ENKUR: variants seen among roughly 807,000 people sequenced by gnomAD.
ENKUR encodes enkurin.
A neutral mutation model predicts 27.6 loss-of-function variants in ENKUR; 19 were observed. That is an observed-to-expected ratio of 0.69 (90% CI 0.48 to 1.01). The LOEUF (loss-of-function observed/expected upper bound fraction) is 1.01, where lower values mean the gene tolerates loss of function less well. Ranked by LOEUF, ENKUR falls within the 50% of genes least tolerant of loss-of-function variation. ENKUR has a pLI of 0.00. For missense variants in ENKUR, 312 were observed against 310.5 expected, an observed-to-expected ratio of 1.00 and a Z score of -0.04; for synonymous variants, 117 against 96.9, an observed-to-expected ratio of 1.21 and a Z score of -1.22.
At chr10:24,994,627 C>T (rs569181267) in intron 3 of ENKUR, among the ~76,000 whole-genome samples, 1 of 152,094 alleles carries the variant, frequency 6.6e-6, no homozygotes, top group Admixed American at 6.5e-5. Context: ...CTGTGCCCAG[C>T]CTGCATTCAT....
intron 2 of ENKUR, among the ~76,000 whole-genome samples, chr10:25,046,884 T>C (rs527678488): frequency 1.3e-5 from 2 of 152,310 alleles, no homozygotes; most frequent in African/African-American, 4.8e-5. Flanking sequence ...GTAAGCCCTC[T>C]GTGTTAATTT....
chr10:25,057,632 C>A (rs984824826), intron 2 of ENKUR, among the ~76,000 whole-genome samples: 2 of 152,166 alleles, frequency 1.3e-5, no homozygotes, highest in African/African-American at 4.8e-5. Flanking sequence ...AAAATTATCA[C>A]CCTTGTACCA....
intron 2 of ENKUR, chr10:25,024,598 G>C: frequency 6.2e-7 from 1 of 1,614,162 alleles, no homozygotes; most frequent in Non-Finnish European, 8.5e-7. Flanking sequence ...CTTTCTTACT[G>C]TGGAATATGG....
Position 24,999,480 on chromosome 10 carries a change from A to G in ENKUR, c.144T>C (p.Thr48=). 3.7e-6 allele frequency: 6 copies of G among 1,613,296 alleles called. No homozygotes were observed. The highest frequency in any genetic ancestry group is 5.1e-6 in the Non-Finnish European group (6 of 1,179,660). The stretch of plus-strand genomic sequence containing the variant: ...GTACTTCAACTTTTGCTGGTCCCAT[A>G]GTTTTCATTGCAGTTTTAGCTTTTT... ...DMQKAKTAMK[T]MGPAKVEVPS... Residue 48 remains threonine, a synonymous_variant, in exon 2 of 6, where the codon ACT becomes ACC. Coordinates refer to ENST00000331161, the MANE Select transcript of ENKUR (RefSeq NM_145010.4).
chr10:25,045,419 C>T (rs1358425453), intron 2 of ENKUR, among the ~76,000 whole-genome samples: 1 of 151,970 alleles, frequency 6.6e-6, no homozygotes, highest in Non-Finnish European at 1.5e-5. Flanking sequence ...AAAATACAAG[C>T]TGTAGTAGTG....
intron 3 of ENKUR, among the ~76,000 whole-genome samples, 179 bp from the exon 4 acceptor site, chr10:24,990,788 G>T (rs955242338): frequency 6.6e-6 from 1 of 152,140 alleles, no homozygotes; most frequent in African/African-American, 2.4e-5. Context: ...GTAGATTCCT[G>T]CCTTTTAAAA....
chr10:25,027,356 T>TAAAAAAAAAAAAAAAAAAAAAAAAA lies in ENKUR; in HGVS notation c.38-31488_38-31487insTTTTTTTTTTTTTTTTTTTTTTTTT, dbSNP rs1564352066. 5.0e-4 allele frequency among the ~76,000 whole-genome samples: 23 copies of TAAAAAAAAAAAAAAAAAAAAAAAAA among 45,734 alleles called. 5 individuals carry two copies. Among genetic ancestry groups the TAAAAAAAAAAAAAAAAAAAAAAAAA allele is most frequent in the Non-Finnish European group, 6.9e-4 (19 of 27,676 alleles). The allele number at this position is 45,734 out of a possible 152,430, so 30.0% of individuals were successfully genotyped here. On this transcript the variant is annotated intron_variant, in intron 2 of 5. Coordinates refer to the ENKUR transcript ENST00000615958. ...TGGGTGACAGAGCAAGACTCCCGTCTCAAAAAAAAAAAAAAAAAAAAAAAA... is the reference window on the plus strand; with the variant it reads ...TGGGTGACAGAGCAAGACTCCCGTCTAAAAAAAAAAAAAAAAAAAAAAAAACAAAAAAAAAAAAAAAAAAAAAAAA...
At chr10:25,023,100 G>T in intron 2 of ENKUR, 2 of 893,498 alleles carry the variant, frequency 2.2e-6, no homozygotes, top group Non-Finnish European at 3.4e-6. Context: ...CAGTCCTATT[G>T]GGATTTTAAC....
chr10:25,026,456 G>A (rs1850853757), intron 2 of ENKUR: 1 of 167,064 alleles, frequency 6.0e-6, no homozygotes, highest in South Asian at 2.1e-4. Context: ...TTTGTAGACA[G>A]CAGTTTCCCT....
chr10:24,982,545 C>A lies in ENKUR; in HGVS notation c.*1825G>T. 6.6e-6 allele frequency: 1 copy of A among 152,328 alleles called. No homozygotes were observed. Among genetic ancestry groups the A allele is most frequent in the East Asian group, 1.9e-4 (1 of 5,184 alleles). The allele number at this position is 152,328 out of a possible 1,614,324, so 9.4% of individuals were successfully genotyped here. A position where few individuals can be genotyped will look rare whatever the true frequency, so the allele number is the denominator to read the frequency against. On this transcript the variant is annotated 3_prime_UTR_variant, in exon 6 of 6. Transcript: ENST00000331161. The stretch of plus-strand genomic sequence containing the variant: ...TCAGGTGTCTACTCCCAAGTGACTG[C>A]AGTCTCCATGTCTCTTAATTCATGC...
intron 2 of ENKUR, chr10:25,024,119 G>A (rs925151632): frequency 1.2e-6 from 2 of 1,614,196 alleles, no homozygotes; most frequent in Non-Finnish European, 1.7e-6. Context: ...TTGGAAAGAT[G>A]TATCCATCCT....
chr10:24,987,900 A>G (rs1427530625), intron 4 of ENKUR, among the ~76,000 whole-genome samples: 2 of 152,146 alleles, frequency 1.3e-5, no homozygotes, highest in Non-Finnish European at 1.5e-5. Context: ...CAATAAATAA[A>G]TGAATGAACA....
intron 2 of ENKUR, among the ~76,000 whole-genome samples, chr10:25,052,590 G>A (rs1851198481): frequency 6.6e-6 from 1 of 151,986 alleles, no homozygotes; most frequent in Admixed American, 6.6e-5. Context: ...AACACAGTGA[G>A]ACATCATCTC....
chr10:25,017,373 G>C (rs1850623886), upstream of ENKUR, among the ~76,000 whole-genome samples: 3 of 152,132 alleles, frequency 2.0e-5, no homozygotes, highest in South Asian at 6.2e-4. Flanking sequence ...ATTTGGGGAG[G>C]AAGATGGATG....
intron 2 of ENKUR, chr10:25,023,798 A>C (rs764417484): frequency 2.5e-6 from 4 of 1,614,210 alleles, no homozygotes; most frequent in South Asian, 2.2e-5. Flanking sequence ...AGAAGACAGT[A>C]TTATAAGAAG....
At chr10:25,055,252 T>C (rs947614982) in intron 2 of ENKUR, among the ~76,000 whole-genome samples, 2 of 152,042 alleles carry the variant, frequency 1.3e-5, no homozygotes, top group Non-Finnish European at 2.9e-5. Context: ...GTCAAGTTTA[T>C]TTTACATTGA....
chr10:25,032,379 T>TA (rs1216819416), intron 2 of ENKUR, among the ~76,000 whole-genome samples: 1 of 152,072 alleles, frequency 6.6e-6, no homozygotes, highest in African/African-American at 2.4e-5. Context: ...CTCTCACTGT[T>TA]TTGTGGTGTT....
chr10:24,988,394 TTA>T (rs1253719178), intron 4 of ENKUR, among the ~76,000 whole-genome samples: 2 of 145,742 alleles, frequency 1.4e-5, no homozygotes, highest in Non-Finnish European at 3.0e-5. Context: ...GTGTATATAT[TTA>T]TATATGTGTA....
intron 1 of ENKUR, among the ~76,000 whole-genome samples, chr10:25,009,340 C>T (rs1479168135): frequency 1.3e-5 from 2 of 152,008 alleles, no homozygotes; most frequent in Non-Finnish European, 1.5e-5. Flanking sequence ...ATTTTTATTA[C>T]ATTCATAGAG....
Sources: allele counts gnomAD v4.1 joint callset (sites outside exome capture counted in the v4.1 genomes callset), GRCh38; gene constraint gnomAD v4.1.1; transcripts MANE v1.5; gene names NCBI Gene and HGNC (gene_info 2026-07-23, HGNC 2026-07-21).